Variants in NEB observed in about 807,000 individuals in gnomAD.
The protein encoded by NEB is nebulin, also known as nemaline myopathy type 2.
In NEB, 512 loss-of-function variants were observed where a neutral mutation model predicts 952.2. That is an observed-to-expected ratio of 0.54 (90% CI 0.50 to 0.58). The LOEUF is 0.58. NEB is among the 20% of genes least tolerant of loss of function. The pLI is 0.00. For synonymous variants in NEB, 2,900 were observed against 3,149.8 expected, an observed-to-expected ratio of 0.92 and a Z score of 2.66; for missense variants, 8,428 against 9,231.1, an observed-to-expected ratio of 0.91 and a Z score of 3.56.
In NEB at chr2:151,642,633, T is replaced by C. The variant is rs761188146; in HGVS notation, c.8314A>G (p.Met2772Val). 6.2e-7 allele frequency: 1 copy of C among 1,613,988 alleles called. No homozygotes were observed. Among genetic ancestry groups the C allele is most frequent in the Non-Finnish European group, 8.5e-7 (1 of 1,179,852 alleles). ...LEEAKRKGYDMRVDAIPIKAA... is the reference protein window; with the variant it reads ...LEEAKRKGYDVRVDAIPIKAA... ...TTGATAGGAATGGCATCTACCCGCA[T>C]GTCATAACCTTTCCTCTTGGCTTCT... Residue 2772 changes from methionine to valine, a missense_variant, in exon 60 of 182, where the codon ATG (methionine) becomes GTG (valine). Physicochemically the swap from Met to Val is conservative, Grantham distance 21. Transcript: ENST00000397345.
At position 151,563,949 on chromosome 2, in the gene NEB, T is replaced by C. The variant is rs1008435668; in HGVS notation, c.18472-19A>G. ...ACAGTATCTAGAACAAAGAAATACA[T>C]GGCAACAAAAGTTTTCTTTCAACTT... On this transcript the variant is annotated intron_variant, in intron 117 of 181. Transcript: ENST00000397345. 11 of 1,553,494 alleles carry C rather than the reference T, an allele frequency of 7.1e-6. No homozygotes were observed. The highest frequency in any genetic ancestry group is 2.7e-5 in the African/African-American group (2 of 73,360).
chr2:151,546,555 T>TA, intron 133 of NEB, 112 bp from the exon 134 acceptor site: 8 of 506,000 alleles, frequency 1.6e-5, no homozygotes, highest in South Asian at 2.9e-5. Context: ...TTGGTTCATC[T>TA]ACTTTTTTTT....
rs80232472 is a variant in NEB, at chr2:151,675,397, A to G, written c.3775-6T>C. 3,316 of 1,530,948 alleles carry G rather than the reference A, an allele frequency of 2.2e-3. 69 individuals carry two copies. The African/African-American group carries it at 0.04, about 18-fold the overall frequency. The allele number at this position is 1,530,948 out of a possible 1,614,324, so 94.8% of individuals were successfully genotyped here. A position where few individuals can be genotyped will look rare whatever the true frequency, so the allele number is the denominator to read the frequency against. Reference sequence around the variant, plus strand: ...CCTTTAGCCTTGTATAAGATCTGCAATAAAATGCATTTCACATAGTGCAAA... The same window carrying G: ...CCTTTAGCCTTGTATAAGATCTGCAGTAAAATGCATTTCACATAGTGCAAA... On this transcript the variant is annotated splice_polypyrimidine_tract_variant and splice_region_variant and intron_variant, in intron 34 of 181. Coordinates refer to ENST00000397345, the MANE Select transcript of NEB (RefSeq NM_001164508.2).
chr2:151,506,902 AAT>A lies in NEB; in HGVS notation c.23556+5_23556+6del. 6.4e-7 allele frequency: 1 copy of A among 1,566,868 alleles called. No homozygotes were observed. Among genetic ancestry groups the A allele is most frequent in the Non-Finnish European group, 8.8e-7 (1 of 1,138,798 alleles). ...AGCATTAAATGCAAAATAAATAGTA[AAT>A]ATACCGAGCTGAAATTCTTCTGATT... On this transcript the variant is annotated splice_donor_5th_base_variant and intron_variant, in intron 163 of 181. Coordinates refer to ENST00000397345, the MANE Select transcript of NEB (RefSeq NM_001164508.2).
chr2:151,487,743 TAA>T lies in NEB; in HGVS notation c.25405-1812_25405-1811del, dbSNP rs200193449. On this transcript the variant is annotated intron_variant, in intron 181 of 181. Transcript: ENST00000397345. ...TTTTAGGTCAAATGGCATGTGTGTT[TAA>T]ACTTATTTTATACATACACACATAT... Among the ~76,000 whole-genome samples the T allele has an allele frequency of 2.3e-3, 343 of 152,226 alleles. 8 individuals are homozygous for T. In the East Asian group the frequency reaches 0.044, roughly 20 times the overall value.
Position 151,527,005 on chromosome 2 carries a change from G to T in NEB, c.21858C>A (p.Asp7286Glu). ...LQQSDFEYKLDREFLKGCKLS... is the reference protein window; with the variant it reads ...LQQSDFEYKLEREFLKGCKLS... ...GCTTGCAACCCTTGAGGAACTCCCG[G>T]TCCAGCTTATATTCAAACTGTGATA... The change falls in exon 148 of 182, where the codon GAC (aspartate) becomes GAA (glutamate). Residue 7286 changes from aspartate to glutamate, a missense_variant. Around this residue, in one of 11 missense-constraint regions of NEB, gnomAD observed 3,374 missense variants for 3,651.5 expected, o/e 0.92. Coordinates refer to ENST00000397345, the MANE Select transcript of NEB (RefSeq NM_001164508.2). 1 of 1,597,426 alleles carries T rather than the reference G, an allele frequency of 6.3e-7. No homozygotes were observed. The highest frequency in any genetic ancestry group is 8.5e-7 in the Non-Finnish European group (1 of 1,170,426).
At chr2:151,498,924 T>TAAC (rs1553559573) in intron 169 of NEB, among the ~76,000 whole-genome samples, 1 of 151,512 alleles carries the variant, frequency 6.6e-6, no homozygotes, top group Non-Finnish European at 1.5e-5. Context: ...TCTGTACAAA[T>TAAC]AACAGTAGAG....
intron 13 of NEB, among the ~76,000 whole-genome samples, chr2:151,698,644 T>TC (rs1365247227): frequency 6.7e-6 from 1 of 148,660 alleles, no homozygotes; most frequent in African/African-American, 2.5e-5. Context: ...AATTTTTTTT[T>TC]TTTTTTTTTT....
intron 32 of NEB, among the ~76,000 whole-genome samples, chr2:151,679,421 A>G (rs958979617): frequency 6.6e-6 from 1 of 152,172 alleles, no homozygotes; most frequent in African/African-American, 2.4e-5. Flanking sequence ...GGCTATTATG[A>G]CTTAAATGGT....
intron 146 of NEB, among the ~76,000 whole-genome samples, chr2:151,528,643 A>G (rs557591373): frequency 2.6e-5 from 4 of 152,320 alleles, no homozygotes; most frequent in East Asian, 3.9e-4. Context: ...TTCGGTTACA[A>G]TGGTTTCATT....
rs1422735462 is a variant in NEB, at chr2:151,486,302, A to G, written c.25405-369T>C. On this transcript the variant is annotated intron_variant, in intron 181 of 181. Coordinates refer to ENST00000397345, the MANE Select transcript of NEB (RefSeq NM_001164508.2). ...CAAATTATTAAAACCACAATGAGAT[A>G]CCCCTTCACACATGCCAGAATGGTG... is the stretch of plus-strand genomic sequence containing the variant. 3 of 189,186 alleles carry G rather than the reference A, an allele frequency of 1.6e-5. No individual in the cohort carries two copies. In the East Asian group the frequency reaches 4.2e-4, roughly 26 times the overall value. 11.7% of individuals were successfully genotyped at this position (189,186 alleles called of 1,614,324 possible). A position where few individuals can be genotyped will look rare whatever the true frequency, so the allele number is the denominator to read the frequency against.
At chr2:151,703,005 T>G (rs2099682595) in intron 13 of NEB, among the ~76,000 whole-genome samples, 1 of 152,208 alleles carries the variant, frequency 6.6e-6, no homozygotes, top group Non-Finnish European at 1.5e-5. Flanking sequence ...TACCGGTTGT[T>G]GCTTTCCATG....
At chr2:151,526,635 A>G (rs149351567) in intron 148 of NEB, among the ~76,000 whole-genome samples, 56 of 152,318 alleles carry the variant, frequency 3.7e-4, no homozygotes, top group African/African-American at 1.3e-3. Context: ...TGGCGTTTCC[A>G]TAAAGAGTCC....
At chr2:151,703,929 A>C (rs1372134930) in intron 13 of NEB, among the ~76,000 whole-genome samples, 2 of 132,462 alleles carry the variant, frequency 1.5e-5, no homozygotes, top group African/African-American at 5.6e-5. Flanking sequence ...GGAGGAGGAG[A>C]GGCGCTCTGC....
intron 105 of NEB, among the ~76,000 whole-genome samples, chr2:151,577,908 A>G (rs2096936994): frequency 1.3e-5 from 2 of 152,036 alleles, no homozygotes; most frequent in Non-Finnish European, 2.9e-5. Context: ...TTCTTTATTC[A>G]CCATGGTATC....
chr2:151,657,887 T>C, intron 48 of NEB, 96 bp downstream of exon 48: 1 of 842,166 alleles, frequency 1.2e-6, no homozygotes, highest in South Asian at 1.6e-5. Context: ...CCCACTGTTT[T>C]TCATATTGTG....
chr2:151,562,773 T>C lies in NEB; in HGVS notation c.18729A>G (p.Ala6243=), dbSNP rs1420395815. Reference sequence around the variant, plus strand: ...TCATGTCATTGGGGATATGAACATTTGCTTTGGTATCCTCATAATGTTTTC... The same window carrying C: ...TCATGTCATTGGGGATATGAACATTCGCTTTGGTATCCTCATAATGTTTTC... The part of the protein sequence containing the change: ...NYRKHYEDTK[A]NVHIPNDMMN... The change falls in exon 120 of 182, where the codon GCA becomes GCG. Residue 6243 remains alanine (A), a synonymous_variant. Coordinates refer to ENST00000397345, the MANE Select transcript of NEB (RefSeq NM_001164508.2). 6.3e-7 allele frequency: 1 copy of C among 1,588,074 alleles called. No homozygotes were observed. Among genetic ancestry groups the C allele is most frequent in the African/African-American group, 1.3e-5 (1 of 74,696 alleles).
At chr2:151,708,012 C>G (rs2099722705) in intron 12 of NEB, among the ~76,000 whole-genome samples, 1 of 152,210 alleles carries the variant, frequency 6.6e-6, no homozygotes, top group East Asian at 1.9e-4. Context: ...CTACCCGCAT[C>G]TGGGATACAC....
intron 46 of NEB, among the ~76,000 whole-genome samples, chr2:151,660,974 CTAG>C (rs1461355405): frequency 3.3e-5 from 5 of 152,074 alleles, no homozygotes; most frequent in Admixed American, 6.5e-5. Flanking sequence ...ACACATGTGG[CTAG>C]TAGTAATAGT....
Sources: allele counts gnomAD v4.1 joint callset (sites outside exome capture counted in the v4.1 genomes callset), GRCh38; gene constraint gnomAD v4.1.1; regional missense constraint gnomAD v4.1.1; transcripts MANE v1.5; gene names NCBI Gene and HGNC (gene_info 2026-07-23, HGNC 2026-07-21).